Variants in XIRP2 observed in about 807,000 individuals in gnomAD.
XIRP2 encodes xin actin-binding repeat-containing protein 2.
In XIRP2, 236 loss-of-function variants were observed where a neutral mutation model predicts 277.0. The ratio of observed to expected loss-of-function variants is 0.85; its 90% CI spans 0.77 to 0.95. The LOEUF (loss-of-function observed/expected upper bound fraction) is 0.95. XIRP2 is among the 40% of genes least tolerant of loss of function. The pLI is 0.00. For synonymous variants in XIRP2, 1,490 were observed against 1,416.5 expected (o/e 1.05, Z -1.17); for missense variants, 4,640 against 4,157.5 (o/e 1.12, Z -3.19).
intron 2 of XIRP2, among the ~76,000 whole-genome samples, chr2:167,057,856 G>A (rs1001508395): frequency 6.6e-6 from 1 of 151,996 alleles, no homozygotes; most frequent in Non-Finnish European, 1.5e-5. Context: ...CTTGAAGGAG[G>A]TATAAGATTT....
intron 2 of XIRP2, among the ~76,000 whole-genome samples, chr2:166,934,509 G>T (rs926720255): frequency 6.6e-6 from 1 of 152,204 alleles, no homozygotes; most frequent in Non-Finnish European, 1.5e-5. Flanking sequence ...AGAGAACATG[G>T]TTAAGCTATG....
chr2:166,944,164 T>C (rs1178282422), intron 2 of XIRP2, among the ~76,000 whole-genome samples: 4 of 152,244 alleles, frequency 2.6e-5, no homozygotes, highest in Non-Finnish European at 5.9e-5. Flanking sequence ...TTCCAGTTCA[T>C]TGAATGTAAT....
intron 2 of XIRP2, among the ~76,000 whole-genome samples, chr2:167,046,060 G>A (rs978791806): frequency 6.6e-6 from 1 of 151,924 alleles, no homozygotes; most frequent in Admixed American, 6.6e-5. Flanking sequence ...AGTGTTTGTT[G>A]TAGAGATATT....
In XIRP2 at chr2:167,248,773, A is replaced by G. The variant is rs1274448194; in HGVS notation, c.7381A>G (p.Lys2461Glu). ...TATGGAATGTAAAATTACTACCTCA[A>G]AGGATCAGAAAAAAGTAATGGTGAT... ...SDMECKITTS[K>E]DQKKVMVMTS... Residue 2461 changes from lysine to glutamate, a missense_variant, in exon 9 of 11, where the codon AAG (lysine) becomes GAG (glutamate). Transcript: ENST00000409195. 1 of 1,613,568 alleles carries G rather than the reference A, an allele frequency of 6.2e-7. No individual in the cohort carries two copies. Among genetic ancestry groups the G allele is most frequent in the Non-Finnish European group, 8.5e-7 (1 of 1,179,800 alleles).
intron 2 of XIRP2, among the ~76,000 whole-genome samples, chr2:167,122,920 G>A (rs941978322): frequency 1.3e-5 from 2 of 152,042 alleles, no homozygotes; most frequent in African/African-American, 2.4e-5. Context: ...ACTTCCATGG[G>A]ACTGTGTGCC....
chr2:167,133,329 C>G (rs771522027), intron 2 of XIRP2, among the ~76,000 whole-genome samples: 2 of 152,192 alleles, frequency 1.3e-5, no homozygotes, highest in Non-Finnish European at 2.9e-5. Context: ...TTTTACATCT[C>G]TACACAGCTG....
rs138578645 is a variant in XIRP2, at chr2:166,970,335, A to G, written c.408+66445A>G. Among the ~76,000 whole-genome samples, 434 of 152,124 alleles carry G rather than the reference A, an allele frequency of 2.9e-3. 4 individuals are homozygous for G. Among genetic ancestry groups the G allele is most frequent in the African/African-American group, 9.7e-3 (402 of 41,530 alleles). ...TCTTCCTTCTTGCCTAAGCATTGAA[A>G]ATCATTATAATTTACCTGATTGTGA... is the stretch of plus-strand genomic sequence containing the variant. On this transcript the variant is annotated intron_variant, in intron 2 of 10. Transcript: ENST00000409195.
At chr2:167,090,898 A>G (rs752927516) in intron 2 of XIRP2, among the ~76,000 whole-genome samples, 1 of 152,022 alleles carries the variant, frequency 6.6e-6, no homozygotes, top group Non-Finnish European at 1.5e-5. Context: ...CCACCTGACA[A>G]CACCACCCTA....
intron 2 of XIRP2, among the ~76,000 whole-genome samples, chr2:167,078,886 C>T (rs1008069139): frequency 2.7e-5 from 4 of 150,934 alleles, no homozygotes; most frequent in African/African-American, 9.7e-5. Flanking sequence ...ACTTTTGCAC[C>T]AACAATATAT....
intron 10 of XIRP2, among the ~76,000 whole-genome samples, chr2:167,256,659 A>G (rs1040978286): frequency 2.0e-5 from 3 of 151,846 alleles, no homozygotes; most frequent in Non-Finnish European, 4.4e-5. Flanking sequence ...ATAACTTCAT[A>G]TATTATTTAC....
rs1367926872 is a variant in XIRP2, at chr2:167,191,050, G to A, written c.563-19685G>A. Among the ~76,000 whole-genome samples, 3 of 152,124 alleles carry A rather than the reference G, an allele frequency of 2.0e-5. No individual in the cohort carries two copies. In the South Asian group the frequency reaches 6.2e-4, roughly 32 times the overall value. ...ATACAAAAAATTAGCTGAGCATGGT[G>A]ACATGCATGCCTGCAGTCTCAGCTA... is the stretch of plus-strand genomic sequence containing the variant. On this transcript the variant is annotated intron_variant, in intron 3 of 10. Transcript: ENST00000409195.
chr2:167,244,634 A>C lies in XIRP2; in HGVS notation c.3242A>C (p.Glu1081Ala). The change falls in exon 9 of 11, where the codon GAA becomes GCA. Residue 1081 changes from glutamate (E) to alanine (A), a missense_variant. Physicochemically the swap from Glu to Ala is moderately radical, Grantham distance 107 (BLOSUM62 -1). Coordinates refer to ENST00000409195, the MANE Select transcript of XIRP2 (RefSeq NM_152381.6). The part of the protein sequence containing the change: ...SDVEETESKT[E>A]QTRDIVKGDV... ...GTGGAAGAAACAGAAAGTAAAACTGAACAAACTAGAGATATTGTTAAAGGG... is the reference window on the plus strand; with the variant it reads ...GTGGAAGAAACAGAAAGTAAAACTGCACAAACTAGAGATATTGTTAAAGGG... The C allele has an allele frequency of 6.2e-7, 1 of 1,613,298 alleles. No individual in the cohort carries two copies. Among genetic ancestry groups the C allele is most frequent in the Non-Finnish European group, 8.5e-7 (1 of 1,179,636 alleles).
rs573721680 is a variant in XIRP2 at position 167,250,180 on chromosome 2, G to C, written c.8788G>C (p.Val2930Leu). Residue 2930 changes from valine (V) to leucine (L), a missense_variant, in exon 9 of 11, where the codon GTG becomes CTG. Val to Leu is a conservative substitution (Grantham distance 32). Coordinates refer to ENST00000409195, the MANE Select transcript of XIRP2 (RefSeq NM_152381.6). ...ACAGAACAAATCTTTCTTTTCCTCTGTGAAAGAATCCCAGCGGGATGATGG... is the reference window on the plus strand; with the variant it reads ...ACAGAACAAATCTTTCTTTTCCTCTCTGAAAGAATCCCAGCGGGATGATGG... The part of the protein sequence containing the change: ...ITQNKSFFSS[V>L]KESQRDDGKG... The C allele has an allele frequency of 3.1e-6, 5 of 1,613,496 alleles. 1 individual carries two copies. The South Asian group carries it at 5.5e-5, about 18-fold the overall frequency.
intron 2 of XIRP2, among the ~76,000 whole-genome samples, chr2:166,978,216 T>G (rs2105429295): frequency 6.6e-6 from 1 of 152,322 alleles, no homozygotes; most frequent in Middle Eastern, 3.4e-3. Context: ...ATTTGCACTC[T>G]ATTCTGTTTC....
At chr2:167,140,069 A>G (rs1691666727) in intron 3 of XIRP2, among the ~76,000 whole-genome samples, 1 of 152,244 alleles carries the variant, frequency 6.6e-6, no homozygotes. Context: ...CAAAATAGAT[A>G]AAAGGCAAAT....
chr2:167,039,087 G>T (rs1574194627), intron 2 of XIRP2, among the ~76,000 whole-genome samples: 2 of 151,814 alleles, frequency 1.3e-5, no homozygotes, highest in Middle Eastern at 6.8e-3. Context: ...TATTTGATTT[G>T]ATCTTAACAA....
intron 4 of XIRP2, among the ~76,000 whole-genome samples, chr2:167,212,637 T>C (rs1694088708): frequency 6.6e-6 from 1 of 152,182 alleles, no homozygotes; most frequent in African/African-American, 2.4e-5. Context: ...AATTAGGTAG[T>C]GAGGAGGCCA....
intron 2 of XIRP2, among the ~76,000 whole-genome samples, chr2:166,947,746 G>A (rs1022115950): frequency 5.3e-5 from 8 of 152,062 alleles, no homozygotes; most frequent in Non-Finnish European, 8.8e-5. Context: ...CCAGGACTTG[G>A]GCTCCTTGGT....
At chr2:166,924,258 A>T (rs1223626505) in intron 2 of XIRP2, among the ~76,000 whole-genome samples, 1 of 152,040 alleles carries the variant, frequency 6.6e-6, no homozygotes, top group Admixed American at 6.6e-5. Flanking sequence ...TGGGTTAGGA[A>T]GTCTGAGGAT....
Sources: allele counts gnomAD v4.1 joint callset (sites outside exome capture counted in the v4.1 genomes callset), GRCh38; gene constraint gnomAD v4.1.1; transcripts MANE v1.5; gene names NCBI Gene and HGNC (gene_info 2026-07-23, HGNC 2026-07-21).